The following RRP15 variants were observed in gnomAD, a reference collection of about 807,000 sequenced individuals.
RRP15 encodes the protein ribosomal RNA processing 15 homolog, also known as RRP15-like protein.
Under a neutral mutation model 27.1 loss-of-function variants are expected in RRP15, and 18 were observed. That is an observed-to-expected ratio of 0.66 (90% confidence interval 0.46 to 0.98). The LOEUF is 0.98. Among genes scored for constraint, RRP15 ranks in the 50% least tolerant of loss-of-function variants. The pLI is 0.00. For missense variants in RRP15, 359 were observed against 337.8 expected (o/e 1.06, Z -0.49); for synonymous variants, 107 against 109.4 (o/e 0.98, Z 0.14).
Position 218,291,528 on chromosome 1 carries a change from CTTTT to C in RRP15, c.139+6092_139+6095del, listed in dbSNP as rs776529360. Among the ~76,000 whole-genome samples, 312 of 104,896 alleles carry C rather than the reference CTTTT, an allele frequency of 3.0e-3. 1 individual carries two copies. Among genetic ancestry groups the C allele is most frequent in the African/African-American group, 0.014 (300 of 22,098 alleles). 68.8% of individuals were successfully genotyped at this position (104,896 alleles called of 152,430 possible). Reference sequence around the variant, plus strand: ...AAAAGAAAGAAATCATTGAATTTTCCTTTTTTTTTTTTTTTTTTTTTTGAGATGG... The same window carrying C: ...AAAAGAAAGAAATCATTGAATTTTCCTTTTTTTTTTTTTTTTTTGAGATGG... On this transcript the variant is annotated intron_variant, in intron 1 of 4. Coordinates refer to ENST00000366932, the MANE Select transcript of RRP15 (RefSeq NM_016052.4).
In RRP15 at chr1:218,330,951, G is replaced by C; in HGVS notation, c.709G>C (p.Glu237Gln). The C allele has an allele frequency of 1.2e-6, 2 of 1,610,624 alleles. No individual in the cohort carries two copies. Among genetic ancestry groups the C allele is most frequent in the Non-Finnish European group, 8.5e-7 (1 of 1,177,774 alleles). ...SRKKPKAKQT[E>Q]VKSEEGPGWT... ...TTGATTCTATAATTTTCCTTAGACT[G>C]AAGTGAAATCAGAAGAAGGCCCAGG... The change falls in exon 5 of 5, where the codon GAA (glutamate) becomes CAA (glutamine). Residue 237 changes from glutamate (E) to glutamine (Q), a missense_variant. Physicochemically the swap from Glu to Gln is conservative, Grantham distance 29. Coordinates refer to ENST00000366932, the MANE Select transcript of RRP15 (RefSeq NM_016052.4).
chr1:218,313,190 A>T (rs1328542149), intron 4 of RRP15, among the ~76,000 whole-genome samples: 1 of 152,224 alleles, frequency 6.6e-6, no homozygotes, highest in Non-Finnish European at 1.5e-5. Context: ...TGAAGATTTC[A>T]TTATTTTTAA....
intron 1 of RRP15, among the ~76,000 whole-genome samples, chr1:218,294,299 G>C (rs1655688749): frequency 6.6e-6 from 1 of 152,108 alleles, no homozygotes; most frequent in Non-Finnish European, 1.5e-5. Flanking sequence ...TATCTACCTG[G>C]AGGTAGTGTC....
At chr1:218,319,796 CGTT>C (rs1335359005) in intron 4 of RRP15, among the ~76,000 whole-genome samples, 1 of 152,092 alleles carries the variant, frequency 6.6e-6, no homozygotes, top group Non-Finnish European at 1.5e-5. Flanking sequence ...ATCAGGAAGA[CGTT>C]GGTATCTATT....
intron 4 of RRP15, among the ~76,000 whole-genome samples, chr1:218,308,816 G>A (rs1405101994): frequency 6.6e-6 from 1 of 152,080 alleles, no homozygotes; most frequent in East Asian, 1.9e-4. Flanking sequence ...CTGTGTTTGG[G>A]GATTTATACT....
intron 1 of RRP15, among the ~76,000 whole-genome samples, chr1:218,298,404 G>A (rs1655756166): frequency 6.6e-6 from 1 of 152,126 alleles, no homozygotes; most frequent in East Asian, 1.9e-4. Flanking sequence ...AAACTCCTGA[G>A]TTCTTCAAGG....
intron 4 of RRP15, among the ~76,000 whole-genome samples, chr1:218,309,453 G>C (rs1454721845): frequency 6.6e-6 from 1 of 152,090 alleles, no homozygotes; most frequent in South Asian, 2.1e-4. Context: ...GGGAGGCCAA[G>C]GTGGGCGGAT....
rs2102521622 is a variant in RRP15, at chr1:218,336,524, C to T, written c.*5433C>T. On this transcript the variant is annotated 3_prime_UTR_variant, in exon 5 of 5. Coordinates refer to ENST00000366932, the MANE Select transcript of RRP15 (RefSeq NM_016052.4). ...GGCCTTGCAGCTGTTGATTCACCCT[C>T]AGGCTACCAGACAGTTGCCTCTTTG... The T allele has an allele frequency of 6.5e-6, 1 of 152,772 alleles. No individual in the cohort carries two copies. Among genetic ancestry groups the T allele is most frequent in the Non-Finnish European group, 1.5e-5 (1 of 68,052 alleles). The allele number at this position is 152,772 out of a possible 1,614,324, so 9.5% of individuals were successfully genotyped here. A position where few individuals can be genotyped will look rare whatever the true frequency, so the allele number is the denominator to read the frequency against.
intron 1 of RRP15, among the ~76,000 whole-genome samples, chr1:218,299,650 C>T (rs918954261): frequency 3.3e-5 from 5 of 152,104 alleles, no homozygotes; most frequent in African/African-American, 1.2e-4. Flanking sequence ...CTTTTAATCA[C>T]CAAGATATTT....
intron 4 of RRP15, among the ~76,000 whole-genome samples, chr1:218,321,339 A>G (rs995817062): frequency 9.9e-5 from 15 of 152,226 alleles, no homozygotes; most frequent in African/African-American, 3.4e-4. Flanking sequence ...AAAGAGTTGT[A>G]TAGGTTGCTT....
chr1:218,315,971 C>A (rs969192397), intron 4 of RRP15, among the ~76,000 whole-genome samples: 3 of 152,190 alleles, frequency 2.0e-5, no homozygotes, highest in African/African-American at 7.2e-5. Flanking sequence ...AAAAGTGAGA[C>A]TCCATGTTTG....
At position 218,285,436 on chromosome 1, in the gene RRP15, A is replaced by T. The variant is rs774967125; in HGVS notation, c.120A>T (p.Thr40=). The change falls in exon 1 of 5, where the codon ACA becomes ACT. Residue 40 remains threonine, a synonymous_variant. Transcript: ENST00000366932. ...CGTCGGTGCTGGAAGACGAGGCCAC[A>T]GACACTTCTGATAGTGAAGGTAATG... The part of the protein sequence containing the change: ...AVASVLEDEA[T]DTSDSEGSCG... 1 of 1,614,052 alleles carries T rather than the reference A, an allele frequency of 6.2e-7. No individual in the cohort carries two copies. Among genetic ancestry groups the T allele is most frequent in the African/African-American group, 1.3e-5 (1 of 74,920 alleles).
In RRP15 at chr1:218,305,060, C is replaced by T. The variant is rs1305004956; in HGVS notation, c.438C>T (p.Cys146=). The stretch of plus-strand genomic sequence containing the variant: ...AGAGGCTGGAGTGGGAAATGATGTG[C>T]AGAGTAAAGCCAGATGTTGTCCAAG... The part of the protein sequence containing the change: ...RDKRLEWEMM[C]RVKPDVVQDK... The change falls in exon 3 of 5, where the codon TGC becomes TGT. Residue 146 remains cysteine, a synonymous_variant. Coordinates refer to ENST00000366932, the MANE Select transcript of RRP15 (RefSeq NM_016052.4). The T allele has an allele frequency of 1.2e-6, 2 of 1,613,696 alleles. No homozygotes were observed. The highest frequency in any genetic ancestry group is 3.3e-5 in the Admixed American group (2 of 60,008).
chr1:218,315,213 T>C (rs368236341), intron 4 of RRP15, among the ~76,000 whole-genome samples: 1 of 152,152 alleles, frequency 6.6e-6, no homozygotes, highest in African/African-American at 2.4e-5. Context: ...AATTTCTTCA[T>C]AGGTAAATAA....
intron 1 of RRP15, among the ~76,000 whole-genome samples, chr1:218,286,588 A>G (rs984930716): frequency 6.6e-6 from 1 of 152,038 alleles, no homozygotes; most frequent in Non-Finnish European, 1.5e-5. Context: ...TGCCCAAACC[A>G]TTTGATGTAT....
In RRP15 at chr1:218,334,486, T is replaced by C. The variant is rs1009629292; in HGVS notation, c.*3395T>C. The C allele has an allele frequency of 1.3e-5, 2 of 152,228 alleles. No homozygotes were observed. Among genetic ancestry groups the C allele is most frequent in the African/African-American group, 2.4e-5 (1 of 41,458 alleles). The allele number at this position is 152,228 out of a possible 1,614,324, so 9.4% of individuals were successfully genotyped here. A position where few individuals can be genotyped will look rare whatever the true frequency, so the allele number is the denominator to read the frequency against. On this transcript the variant is annotated 3_prime_UTR_variant, in exon 5 of 5. Coordinates refer to ENST00000366932, the MANE Select transcript of RRP15 (RefSeq NM_016052.4). The stretch of plus-strand genomic sequence containing the variant: ...CCATTTCCTTCTATGTCTCCATTAA[T>C]GTGCTAACTTGAAGGAATTTAACTT...
chr1:218,325,270 A>G (rs1558212212), intron 4 of RRP15, among the ~76,000 whole-genome samples: 1 of 152,184 alleles, frequency 6.6e-6, no homozygotes, highest in African/African-American at 2.4e-5. Context: ...TGGAATCTCC[A>G]TTCATTCTCA....
Position 218,319,166 on chromosome 1 carries a change from G to C in RRP15, c.705+11534G>C, listed in dbSNP as rs1346118161. On this transcript the variant is annotated intron_variant, in intron 4 of 4. Coordinates refer to ENST00000366932, the MANE Select transcript of RRP15 (RefSeq NM_016052.4). ...TGCAACCTCCACCTCCCGGGTTCAA[G>C]TGGTTCTCCTACCTCAGCCTCCTGA... Among the ~76,000 whole-genome samples the C allele has an allele frequency of 3.3e-5, 5 of 151,706 alleles. No homozygotes were observed. The East Asian group carries it at 5.8e-4, about 18-fold the overall frequency.
intron 1 of RRP15, among the ~76,000 whole-genome samples, chr1:218,294,910 A>G (rs75768814): frequency 0.033 from 5,033 of 152,224 alleles, 267 homozygotes; most frequent in African/African-American, 0.11. Context: ...AGTTGACCAA[A>G]TAGATATTTC....
Sources: allele counts gnomAD v4.1 joint callset (sites outside exome capture counted in the v4.1 genomes callset), GRCh38; gene constraint gnomAD v4.1.1; transcripts MANE v1.5; gene names NCBI Gene and HGNC (gene_info 2026-07-23, HGNC 2026-07-21).